The following HNRNPL variants were observed in gnomAD, a reference collection of about 807,000 sequenced individuals.
HNRNPL encodes heterogeneous nuclear ribonucleoprotein L.
Under a neutral mutation model 64.0 loss-of-function variants are expected in HNRNPL, and 12 were observed. That is an observed-to-expected ratio of 0.19 (90% confidence interval 0.12 to 0.30). The LOEUF (loss-of-function observed/expected upper bound fraction) is 0.30. Among genes scored for constraint, HNRNPL ranks in the 10% least tolerant of loss-of-function variants. The pLI is 1.00. For synonymous variants in HNRNPL, 385 were observed against 313.0 expected (o/e 1.23, Z -2.43); for missense variants, 484 against 797.4 (o/e 0.61, Z 4.73).
Position 38,849,681 on chromosome 19 carries a change from C to T in HNRNPL, c.267+19G>A. 7.5e-7 allele frequency: 1 copy of T among 1,326,442 alleles called. No homozygotes were observed. 82.2% of individuals were successfully genotyped at this position (1,326,442 alleles called of 1,614,324 possible). ...CCCCCAGTTCCCGGCCTTCCCAGCG[C>T]CTAGGGCCCTGGCCTCACCCCACCG... On this transcript the variant is annotated intron_variant, in intron 1 of 12. Transcript: ENST00000221419.
upstream of HNRNPL, among the ~76,000 whole-genome samples, chr19:38,850,517 G>A (rs1215077923): frequency 2.6e-5 from 4 of 152,200 alleles, no homozygotes; most frequent in Non-Finnish European, 5.9e-5. Context: ...TAGGACTGTT[G>A]ATACGCTCTG....
chr19:38,845,792 G>C, intron 3 of HNRNPL, 57 bp from the exon 4 acceptor site: 1 of 1,598,712 alleles, frequency 6.3e-7, no homozygotes, highest in Non-Finnish European at 8.6e-7. Context: ...TCTGGCTTGG[G>C]GGAGGGAATA....
intron 2 of HNRNPL, among the ~76,000 whole-genome samples, chr19:38,847,070 C>T (rs1235591746): frequency 1.3e-5 from 2 of 152,166 alleles, no homozygotes; most frequent in Admixed American, 6.6e-5. Flanking sequence ...CGAGACCTTG[C>T]TCTGTCTGAA....
At chr19:38,852,021 G>C (rs992348142), upstream of HNRNPL, among the ~76,000 whole-genome samples, 6 of 151,618 alleles carry the variant, frequency 4.0e-5, no homozygotes, top group African/African-American at 1.5e-4. Context: ...GGAATGCGGT[G>C]GGGGGAGGGG....
At chr19:38,845,570 T>TGCTG in intron 4 of HNRNPL, 80 bp downstream of exon 4, 1 of 1,156,410 alleles carries the variant, frequency 8.6e-7, no homozygotes, top group Admixed American at 1.7e-5. Flanking sequence ...AGCAGACACA[T>TGCTG]GCTGGCTCAA....
At chr19:38,847,525 A>G in intron 1 of HNRNPL, 91 bp from the exon 2 acceptor site, 4 of 674,172 alleles carry the variant, frequency 5.9e-6, no homozygotes, top group Non-Finnish European at 9.4e-6. Flanking sequence ...CAGTCAGATA[A>G]AACAGTTGGA....
Position 38,838,538 on chromosome 19 carries a change from G to C in HNRNPL, c.1416C>G (p.Cys472Trp). The C allele has an allele frequency of 1.9e-6, 3 of 1,614,144 alleles. No homozygotes were observed. Among genetic ancestry groups the C allele is most frequent in the Non-Finnish European group, 2.5e-6 (3 of 1,180,008 alleles). Reference protein sequence around the residue: ...GQSYGLEDGSCSYKDFSESRN... With the variant: ...GQSYGLEDGSWSYKDFSESRN... ...GGGATTCACTGAAGTCTTTGTAACT[G>C]CAAGACCCGTCTTCCAACCCGTATG... Residue 472 changes from cysteine (C) to tryptophan (W), a missense_variant, in exon 10 of 13, where the codon TGC becomes TGG. By Grantham distance (215) the Cys-to-Trp change is radical. This residue lies in a region of HNRNPL where 53 missense variants were observed against 131.3 expected (regional missense o/e 0.40). Transcript: ENST00000221419.
chr19:38,836,947 C>A, intron 12 of HNRNPL, 167 bp from the exon 13 acceptor site: 1 of 575,416 alleles, frequency 1.7e-6, no homozygotes. Context: ...CAATTATGCA[C>A]GGCGTTTCTC....
chr19:38,842,751 G>A (rs978855314), intron 6 of HNRNPL, among the ~76,000 whole-genome samples: 1 of 151,706 alleles, frequency 6.6e-6, no homozygotes, highest in Non-Finnish European at 1.5e-5. Flanking sequence ...TTTTTTTTTG[G>A]GCCCCAGCCT....
chr19:38,850,125 T>G (rs1411338847), upstream of HNRNPL: 1 of 541,146 alleles, frequency 1.8e-6, no homozygotes, highest in African/African-American at 2.0e-5. Flanking sequence ...CACGCCGTTC[T>G]GCAGGAGGGC....
In HNRNPL at chr19:38,837,658, A is replaced by G. The variant is rs1971973656; in HGVS notation, c.1558-7T>C. 4.3e-6 allele frequency: 7 copies of G among 1,614,024 alleles called. No individual in the cohort carries two copies. The highest frequency in any genetic ancestry group is 4.2e-6 in the Non-Finnish European group (5 of 1,179,898). ...CTCCCAGCTCATCGCAGATCTGCAAAAGAAAACAGGTAGTAAATGAACTCT... is the reference window on the plus strand; with the variant it reads ...CTCCCAGCTCATCGCAGATCTGCAAGAGAAAACAGGTAGTAAATGAACTCT... On this transcript the variant is annotated splice_polypyrimidine_tract_variant and splice_region_variant and intron_variant, in intron 10 of 12. Coordinates refer to ENST00000221419, the MANE Select transcript of HNRNPL (RefSeq NM_001533.3).
At chr19:38,840,046 G>A in intron 8 of HNRNPL, 50 bp downstream of exon 8, 1 of 1,584,510 alleles carries the variant, frequency 6.3e-7, no homozygotes, top group Non-Finnish European at 8.7e-7. Context: ...GTGCTGACTG[G>A]CAAGATACGA....
At chr19:38,840,895 T>C (rs1220239831) in intron 6 of HNRNPL, 4 of 338,732 alleles carry the variant, frequency 1.2e-5, no homozygotes, top group Non-Finnish European at 2.1e-5. Flanking sequence ...CAGAAGCTGA[T>C]ATATTATGGC....
At chr19:38,851,692 A>T (rs1170126572), upstream of HNRNPL, among the ~76,000 whole-genome samples, 1 of 152,258 alleles carries the variant, frequency 6.6e-6, no homozygotes, top group East Asian at 1.9e-4. Flanking sequence ...TGAGCCCCGG[A>T]TTTCGAGGTT....
chr19:38,838,077 G>A (rs537626650), intron 10 of HNRNPL, among the ~76,000 whole-genome samples: 15 of 152,358 alleles, frequency 9.8e-5, no homozygotes, highest in East Asian at 1.9e-4. Flanking sequence ...ACGCCAATGC[G>A]GTTCTTGTGA....
rs762763265 is a variant in HNRNPL, at chr19:38,843,923, A to G, written c.808-9T>C. 6.2e-7 allele frequency: 1 copy of G among 1,614,030 alleles called. No individual in the cohort carries two copies. Among genetic ancestry groups the G allele is most frequent in the South Asian group, 1.1e-5 (1 of 91,080 alleles). ...ACATTCAAGCGTGTAGGCTGCAAGG[A>G]CAGGACAAGACAAGACTTGAGGTCA... On this transcript the variant is annotated splice_polypyrimidine_tract_variant and intron_variant, in intron 5 of 12. Transcript: ENST00000221419.
chr19:38,836,598 TAAAAAAA>T lies in HNRNPL; in HGVS notation c.*117_*123del, dbSNP rs35433653. 99 of 136,536 alleles carry T rather than the reference TAAAAAAA, an allele frequency of 7.3e-4. No individual in the cohort carries two copies. The highest frequency in any genetic ancestry group is 2.8e-3 in the Middle Eastern group (1 of 352). 8.5% of individuals were successfully genotyped at this position (136,536 alleles called of 1,614,324 possible). A position where few individuals can be genotyped will look rare whatever the true frequency, so the allele number is the denominator to read the frequency against. ...AGTAAGCCTCTACAAACCTAGCATTTAAAAAAAAAAAAAAAAAAAAAAAAAAGGAATA... is the reference window on the plus strand; with the variant it reads ...AGTAAGCCTCTACAAACCTAGCATTTAAAAAAAAAAAAAAAAAAAGGAATA... On this transcript the variant is annotated 3_prime_UTR_variant, in exon 13 of 13. Transcript: ENST00000221419.
At chr19:38,847,663 A>G in intron 1 of HNRNPL, 1 of 313,640 alleles carries the variant, frequency 3.2e-6, no homozygotes, top group Non-Finnish European at 5.8e-6. Flanking sequence ...CTCTTGCTGT[A>G]GCTTCTGAGG....
intron 8 of HNRNPL, 96 bp downstream of exon 8, chr19:38,840,000 C>T: frequency 3.3e-6 from 4 of 1,217,152 alleles, no homozygotes; most frequent in South Asian, 1.3e-5. Flanking sequence ...GTCTGCCCGC[C>T]CAGCGCCACA....
Sources: allele counts gnomAD v4.1 joint callset (sites outside exome capture counted in the v4.1 genomes callset), GRCh38; gene constraint gnomAD v4.1.1; regional missense constraint gnomAD v4.1.1; transcripts MANE v1.5; gene names NCBI Gene and HGNC (gene_info 2026-07-23, HGNC 2026-07-21).